The following CDKL1 variants were observed in gnomAD, a reference collection of about 807,000 sequenced individuals.
CDKL1 encodes the protein cyclin dependent kinase like 1.
In CDKL1, 41 loss-of-function variants were observed where a neutral mutation model predicts 42.0. That is an observed-to-expected ratio of 0.98 (90% CI 0.76 to 1.27). The LOEUF (loss-of-function observed/expected upper bound fraction) is 1.27, where lower values mean the gene tolerates loss of function less well. Ranked by LOEUF, CDKL1 falls within the 50% of genes most tolerant of loss-of-function variation. The probability of loss-of-function intolerance (pLI) is 0.00; values close to 1 mark genes in which losing one functional copy is unlikely to be tolerated. For synonymous variants in CDKL1, 153 were observed against 158.6 expected, an observed-to-expected ratio of 0.96 and a Z score of 0.26; for missense variants, 394 against 428.4, an observed-to-expected ratio of 0.92 and a Z score of 0.71.
At chr14:50,360,707 T>C (rs1354686281) in intron 2 of CDKL1, among the ~76,000 whole-genome samples, 2 of 152,092 alleles carry the variant, frequency 1.3e-5, no homozygotes, top group Non-Finnish European at 2.9e-5. Context: ...AACCCGGCCA[T>C]GAGCCACCGC....
At position 50,356,055 on chromosome 14, in the gene CDKL1, T is replaced by C. The variant is rs950012760; in HGVS notation, c.290+2973A>G. On this transcript the variant is annotated intron_variant, in intron 3 of 9. Transcript: ENST00000395834. Reference sequence around the variant, plus strand: ...TTTAAGAAATCTGTACTTAGAAATATAAGAAGTGATCACAGGACATTCTGA... The same window carrying C: ...TTTAAGAAATCTGTACTTAGAAATACAAGAAGTGATCACAGGACATTCTGA... 2.6e-5 allele frequency among the ~76,000 whole-genome samples: 4 copies of C among 152,140 alleles called. No homozygotes were observed. In the East Asian group the frequency reaches 7.7e-4, roughly 29 times the overall value.
At position 50,395,713 on chromosome 14, in the gene CDKL1, G is replaced by C. The variant is rs1051384747; in HGVS notation, c.156C>G (p.Ile52Met). The C allele has an allele frequency of 1.2e-5, 19 of 1,609,398 alleles. No homozygotes were observed. Among genetic ancestry groups the C allele is most frequent in the Admixed American group, 1.2e-4 (7 of 59,652 alleles). Reference protein sequence around the residue: ...PVIKKIALREIRMLKQLKHPN... With the variant: ...PVIKKIALREMRMLKQLKHPN... ...GTGAATCAATTACCTTGAGCATTCG[G>C]ATTTCCCGAAGGGCAATTTTCTTTA... The change falls in exon 2 of 10, where the codon ATC becomes ATG. Residue 52 changes from isoleucine to methionine, a missense_variant. Ile to Met is a conservative substitution (Grantham distance 10, BLOSUM62 1). Coordinates refer to ENST00000395834, the MANE Select transcript of CDKL1 (RefSeq NM_004196.7).
Position 50,334,606 on chromosome 14 carries a change from T to C in CDKL1, c.754A>G (p.Lys252Glu). The stretch of plus-strand genomic sequence containing the variant: ...GCAGGATAAGAGATGTTTGGGAATT[T>C]TAATTCAAGTGGTTCCTGTTGAAAA... The part of the protein sequence containing the change: ...DPEDMEPLEL[K>E]FPNISYPALG... Residue 252 changes from lysine (K) to glutamate (E), a missense_variant, in exon 8 of 10, where the codon AAA becomes GAA. Physicochemically the swap from Lys to Glu is moderately conservative, Grantham distance 56 (BLOSUM62 1). Transcript: ENST00000395834. The C allele has an allele frequency of 6.3e-7, 1 of 1,599,516 alleles. No homozygotes were observed. Among genetic ancestry groups the C allele is most frequent in the Non-Finnish European group, 8.6e-7 (1 of 1,166,698 alleles).
At chr14:50,385,043 C>T (rs866081133) in intron 2 of CDKL1, among the ~76,000 whole-genome samples, 1 of 131,422 alleles carries the variant, frequency 7.6e-6, no homozygotes, top group South Asian at 2.5e-4. Flanking sequence ...TGCACTTAAG[C>T]CTGGGTGACA....
chr14:50,362,883 A>AACCTACCCTGGGCACACAG (rs376609189), intron 2 of CDKL1: 143 of 416,968 alleles, frequency 3.4e-4, no homozygotes, highest in African/African-American at 2.8e-3. Context: ...CAGCAGTGGC[A>AACCTACCCTGGGCACACAG]ACCTACCCTG....
chr14:50,371,897 T>C (rs2034601019), intron 2 of CDKL1, among the ~76,000 whole-genome samples: 1 of 152,210 alleles, frequency 6.6e-6, no homozygotes, highest in African/African-American at 2.4e-5. Flanking sequence ...AGCAAAGTTA[T>C]GGCCAAGCCC....
intron 3 of CDKL1, among the ~76,000 whole-genome samples, chr14:50,356,216 G>A (rs1017824894): frequency 1.3e-5 from 2 of 152,058 alleles, no homozygotes; most frequent in African/African-American, 4.8e-5. Flanking sequence ...AAAGATAACC[G>A]AAGTCTTCTG....
At chr14:50,339,708 G>A (rs2033442760) in intron 6 of CDKL1, among the ~76,000 whole-genome samples, 1 of 152,134 alleles carries the variant, frequency 6.6e-6, no homozygotes, top group Non-Finnish European at 1.5e-5. Context: ...AATGAAACAA[G>A]AAGAGTATTT....
chr14:50,364,741 C>T (rs181856882), intron 2 of CDKL1, among the ~76,000 whole-genome samples: 45 of 152,228 alleles, frequency 3.0e-4, no homozygotes, highest in African/African-American at 1.0e-3. Context: ...TAAATATTAA[C>T]CTCTCTGTAA....
At chr14:50,344,876 G>T in intron 4 of CDKL1, 110 bp downstream of exon 4, 3 of 846,426 alleles carry the variant, frequency 3.5e-6, no homozygotes, top group Non-Finnish European at 3.7e-6. Context: ...GGCTTATGAA[G>T]ATTTGGGTAA....
chr14:50,391,874 T>G (rs2035266871), intron 2 of CDKL1, among the ~76,000 whole-genome samples: 1 of 152,210 alleles, frequency 6.6e-6, no homozygotes. Flanking sequence ...AAACCTGTCT[T>G]CAGCCCACAT....
At chr14:50,377,358 C>T (rs1482652885) in intron 2 of CDKL1, among the ~76,000 whole-genome samples, 1 of 152,124 alleles carries the variant, frequency 6.6e-6, no homozygotes, top group African/African-American at 2.4e-5. Context: ...TCCTTGGGCT[C>T]CTTAAAGAGG....
Position 50,330,181 on chromosome 14 carries a change from A to C in CDKL1, c.967T>G (p.Leu323Val), listed in dbSNP as rs763853487. The change falls in exon 10 of 10, where the codon TTG becomes GTG. Residue 323 changes from leucine (L) to valine (V), a missense_variant and splice_region_variant. Transcript: ENST00000395834. ...CCAGTTAGCTGGGGTAGGTACTGCAACTAAAAATGCAAAACACAGAATTAG... is the reference window on the plus strand; with the variant it reads ...CCAGTTAGCTGGGGTAGGTACTGCACCTAAAAATGCAAAACACAGAATTAG... ...KHHCFTETSK[L>V]QYLPQLTGSS... 6.2e-7 allele frequency: 1 copy of C among 1,601,106 alleles called. No individual in the cohort carries two copies. The highest frequency in any genetic ancestry group is 1.1e-5 in the South Asian group (1 of 87,584).
At chr14:50,334,822 A>G in intron 7 of CDKL1, 1 of 526,866 alleles carries the variant, frequency 1.9e-6, no homozygotes, top group Non-Finnish European at 3.4e-6. Context: ...GCTTTTCCAA[A>G]TTTGCTTCGT....
chr14:50,373,519 A>G (rs2034644400), intron 2 of CDKL1, among the ~76,000 whole-genome samples: 1 of 152,346 alleles, frequency 6.6e-6, no homozygotes, highest in South Asian at 2.1e-4. Context: ...ATGGCCAATT[A>G]GAGTGCAAAC....
intron 9 of CDKL1, chr14:50,331,077 A>G (rs529734619): frequency 6.6e-6 from 1 of 152,342 alleles, no homozygotes; most frequent in African/African-American, 2.4e-5. Context: ...TACTAAAAAT[A>G]TAGAAATTAG....
intron 4 of CDKL1, among the ~76,000 whole-genome samples, chr14:50,344,103 G>A (rs567076342): frequency 1.3e-5 from 2 of 152,346 alleles, no homozygotes; most frequent in South Asian, 4.1e-4. Context: ...GGGCAGTATT[G>A]TATTGGATGG....
intron 2 of CDKL1, among the ~76,000 whole-genome samples, chr14:50,370,804 C>G (rs533215613): frequency 4.0e-4 from 61 of 152,236 alleles, no homozygotes; most frequent in African/African-American, 1.4e-3. Context: ...TTTAAATGAC[C>G]AGATCTCACG....
At chr14:50,355,138 T>C (rs1298347541) in intron 3 of CDKL1, among the ~76,000 whole-genome samples, 1 of 152,150 alleles carries the variant, frequency 6.6e-6, no homozygotes, top group Non-Finnish European at 1.5e-5. Context: ...AGCTTTATTC[T>C]TAATGGGTCC....
Sources: gnomAD v4.1 joint callset for allele counts (sites outside exome capture counted in the v4.1 genomes callset) on GRCh38, gnomAD v4.1.1 for gene constraint, MANE v1.5 for transcripts, NCBI Gene and HGNC (gene_info 2026-07-23, HGNC 2026-07-21) for gene names.